The following LUZP2 variants were observed in gnomAD, a reference collection of about 807,000 sequenced individuals.
LUZP2 encodes leucine zipper protein 2.
Under a neutral mutation model 51.6 loss-of-function variants are expected in LUZP2, and 52 were observed. The observed-to-expected ratio is 1.01, with a 90% CI of 0.81 to 1.27. LUZP2 has a LOEUF of 1.27. Ranked by LOEUF, LUZP2 falls within the 50% of genes most tolerant of loss-of-function variation. The pLI is 0.00. For synonymous variants in LUZP2, 154 were observed against 137.3 expected (o/e 1.12, Z -0.85); for missense variants, 436 against 395.4 (o/e 1.10, Z -0.87).
At chr11:24,763,056 T>G in intron 4 of LUZP2, 190 bp from the exon 5 acceptor site, 1 of 552,642 alleles carries the variant, frequency 1.8e-6, no homozygotes, top group Non-Finnish European at 2.3e-6. Flanking sequence ...AAAAAGATAT[T>G]TTAATATAAT....
At chr11:24,622,020 A>G (rs964105674) in intron 1 of LUZP2, among the ~76,000 whole-genome samples, 7 of 151,848 alleles carry the variant, frequency 4.6e-5, no homozygotes, top group Non-Finnish European at 8.8e-5. Flanking sequence ...AGCTCACTGC[A>G]GCCTCTGCTT....
chr11:24,954,789 G>C (rs1267184091), intron 7 of LUZP2, among the ~76,000 whole-genome samples: 5 of 152,028 alleles, frequency 3.3e-5, no homozygotes, highest in Non-Finnish European at 4.4e-5. Flanking sequence ...ATGCGTGAAA[G>C]TACTAGGAAG....
intron 7 of LUZP2, among the ~76,000 whole-genome samples, chr11:24,964,915 C>A (rs1855537262): frequency 6.6e-6 from 1 of 151,732 alleles, no homozygotes; most frequent in Non-Finnish European, 1.5e-5. Flanking sequence ...TTCATGAAGA[C>A]AAACATGTTT....
intron 1 of LUZP2, among the ~76,000 whole-genome samples, chr11:24,606,275 T>G (rs960872043): frequency 2.4e-4 from 37 of 151,930 alleles, no homozygotes; most frequent in African/African-American, 8.4e-4. Flanking sequence ...GAAACTATAC[T>G]TCAATATAGT....
intron 1 of LUZP2, among the ~76,000 whole-genome samples, chr11:24,689,533 A>G (rs558687420): frequency 6.6e-6 from 1 of 152,262 alleles, no homozygotes; most frequent in Admixed American, 6.5e-5. Context: ...TCCTGGCACC[A>G]GCTGTGACCA....
At chr11:24,766,459 T>C (rs1046360642) in intron 5 of LUZP2, among the ~76,000 whole-genome samples, 1 of 152,134 alleles carries the variant, frequency 6.6e-6, no homozygotes, top group Non-Finnish European at 1.5e-5. Flanking sequence ...AGATTGAAAA[T>C]GTATGAAAGG....
At position 24,729,141 on chromosome 11, in the gene LUZP2, G is replaced by A. The variant is rs776144632; in HGVS notation, c.63-28G>A. The A allele has an allele frequency of 9.7e-6, 12 of 1,238,146 alleles. 1 individual carries two copies. The highest frequency in any genetic ancestry group is 5.4e-5 in the South Asian group (3 of 55,592). The allele number at this position is 1,238,146 out of a possible 1,614,324, so 76.7% of individuals were successfully genotyped here. On this transcript the variant is annotated intron_variant, in intron 1 of 11. Transcript: ENST00000336930. ...GATGCCAAGTGGAACCATTTGGGGGGCTCTCATGCCTGTTCTTTCTGTGTT... is the reference window on the plus strand; with the variant it reads ...GATGCCAAGTGGAACCATTTGGGGGACTCTCATGCCTGTTCTTTCTGTGTT...
intron 5 of LUZP2, among the ~76,000 whole-genome samples, chr11:24,822,593 A>T (rs889094887): frequency 6.6e-6 from 1 of 152,136 alleles, no homozygotes; most frequent in East Asian, 1.9e-4. Context: ...CCTAAATTGC[A>T]GGAATCCAGT....
chr11:24,923,423 G>A (rs991129555), intron 7 of LUZP2, among the ~76,000 whole-genome samples: 3 of 151,924 alleles, frequency 2.0e-5, no homozygotes, highest in Non-Finnish European at 2.9e-5. Context: ...TCGGCTGGGC[G>A]CGGTGTCTCA....
At chr11:24,516,067 G>A (rs11027966) in intron 1 of LUZP2, among the ~76,000 whole-genome samples, 20,950 of 151,976 alleles carry the variant, frequency 0.14, 2,418 homozygotes, top group African/African-American at 0.32. Context: ...GACTAGTTAT[G>A]TGATTTTGGA....
intron 4 of LUZP2, among the ~76,000 whole-genome samples, chr11:24,741,798 A>G (rs1859153370): frequency 1.4e-5 from 2 of 143,866 alleles, no homozygotes; most frequent in Admixed American, 7.2e-5. Flanking sequence ...GTTAATATAT[A>G]TATTATGGTT....
chr11:25,007,910 G>A (rs962176234), intron 9 of LUZP2, among the ~76,000 whole-genome samples: 8 of 152,176 alleles, frequency 5.3e-5, no homozygotes, highest in African/African-American at 1.9e-4. Flanking sequence ...AATTTATGTT[G>A]TAACTAATAT....
At chr11:24,615,416 T>C (rs1854254457) in intron 1 of LUZP2, among the ~76,000 whole-genome samples, 1 of 152,078 alleles carries the variant, frequency 6.6e-6, no homozygotes, top group Non-Finnish European at 1.5e-5. Context: ...GTATGTAAGC[T>C]TTTGAATTTG....
chr11:24,524,488 C>T (rs1031384713), intron 1 of LUZP2, among the ~76,000 whole-genome samples: 14 of 151,840 alleles, frequency 9.2e-5, no homozygotes, highest in Non-Finnish European at 1.2e-4. Flanking sequence ...TAATTCAGAG[C>T]TCACATTTCT....
intron 7 of LUZP2, among the ~76,000 whole-genome samples, chr11:24,919,675 T>G (rs547922349): frequency 1.3e-5 from 2 of 149,578 alleles, no homozygotes; most frequent in East Asian, 4.0e-4. Context: ...CATATATATA[T>G]AATGATTTAA....
At position 24,711,479 on chromosome 11, in the gene LUZP2, A is replaced by AAATT. The variant is rs1201791141; in HGVS notation, c.63-17687_63-17686insTAAT. 2.6e-5 allele frequency among the ~76,000 whole-genome samples: 4 copies of AAATT among 151,376 alleles called. No individual in the cohort carries two copies. The East Asian group carries it at 7.7e-4, about 29-fold the overall frequency. ...TAAATAAATAAATAAATAAATAAAT[A>AAATT]AATAAATAAATAAAGATTTTCTTTT... On this transcript the variant is annotated intron_variant, in intron 1 of 11. Transcript: ENST00000336930.
chr11:25,078,167 T>A (rs1379173790), intron 11 of LUZP2, among the ~76,000 whole-genome samples: 2 of 152,148 alleles, frequency 1.3e-5, no homozygotes, highest in Non-Finnish European at 2.9e-5. Context: ...AATTCTGAAT[T>A]TTTATTTGTA....
rs180733444 is a variant in LUZP2, at chr11:24,727,394, C to T, written c.63-1775C>T. ...ATTTACTACTCTTGTGACTTAATTT[C>T]CGTGCCTATAAAATAGGTACGGATG... On this transcript the variant is annotated intron_variant, in intron 1 of 11. Coordinates refer to ENST00000336930, the MANE Select transcript of LUZP2 (RefSeq NM_001009909.4). Among the ~76,000 whole-genome samples, 525 of 152,064 alleles carry T rather than the reference C, an allele frequency of 3.5e-3. 5 individuals carry two copies. The highest frequency in any genetic ancestry group is 0.012 in the African/African-American group (511 of 41,520).
intron 9 of LUZP2, among the ~76,000 whole-genome samples, chr11:25,044,521 T>C (rs1398084348): frequency 6.6e-6 from 1 of 152,012 alleles, no homozygotes; most frequent in Non-Finnish European, 1.5e-5. Context: ...TATTATGTGT[T>C]TGTATTTAAA....
Sources: gnomAD v4.1 joint callset for allele counts (sites outside exome capture counted in the v4.1 genomes callset) on GRCh38, gnomAD v4.1.1 for gene constraint, MANE v1.5 for transcripts, NCBI Gene and HGNC (gene_info 2026-07-23, HGNC 2026-07-21) for gene names.